Variants in NSMCE2 observed in about 807,000 individuals in gnomAD.
NSMCE2 encodes NSE2 SUMO ligase component of SMC5/6 complex.
A neutral mutation model predicts 23.8 loss-of-function variants in NSMCE2; 24 were observed. The ratio of observed to expected loss-of-function variants is 1.01; its 90% CI spans 0.73 to 1.42. NSMCE2 has a LOEUF of 1.42. Ranked by LOEUF, NSMCE2 falls within the 40% of genes most tolerant of loss-of-function variation. The pLI is 0.00. For missense variants in NSMCE2, 284 were observed against 296.5 expected (o/e 0.96, Z 0.31); for synonymous variants, 92 against 94.1 (o/e 0.98, Z 0.13).
intron 5 of NSMCE2, among the ~76,000 whole-genome samples, chr8:125,232,294 C>T (rs1193720296): frequency 1.3e-5 from 2 of 151,568 alleles, no homozygotes; most frequent in Non-Finnish European, 2.9e-5. Flanking sequence ...ACCCAGGAGG[C>T]GGAGGTTGTG....
At chr8:125,109,769 C>T (rs1818639828) in intron 3 of NSMCE2, among the ~76,000 whole-genome samples, 1 of 152,094 alleles carries the variant, frequency 6.6e-6, no homozygotes, top group Admixed American at 6.6e-5. Flanking sequence ...GAAATGATCA[C>T]CTTTGCCTGT....
chr8:125,267,369 T>C (rs554332460), intron 5 of NSMCE2, among the ~76,000 whole-genome samples: 140 of 152,342 alleles, frequency 9.2e-4, no homozygotes, highest in African/African-American at 3.2e-3. Flanking sequence ...CAAATATGTG[T>C]AAAGGCTTTC....
intron 5 of NSMCE2, among the ~76,000 whole-genome samples, chr8:125,325,234 T>C (rs1829617566): frequency 6.6e-6 from 1 of 151,958 alleles, no homozygotes; most frequent in Admixed American, 6.6e-5. Context: ...TACACTATGA[T>C]AGTGCCTGTG....
chr8:125,325,205 C>T (rs1320912476), intron 5 of NSMCE2, among the ~76,000 whole-genome samples: 2 of 151,924 alleles, frequency 1.3e-5, no homozygotes, highest in Non-Finnish European at 2.9e-5. Flanking sequence ...CACTTGAGTC[C>T]GGGAGTTCAA....
At chr8:125,257,338 G>GGGAAAA (rs1281188149) in intron 5 of NSMCE2, among the ~76,000 whole-genome samples, 1 of 151,606 alleles carries the variant, frequency 6.6e-6, no homozygotes, top group Non-Finnish European at 1.5e-5. Flanking sequence ...CAAAAGAGAT[G>GGGAAAA]GGAAAAGAAT....
intron 3 of NSMCE2, among the ~76,000 whole-genome samples, chr8:125,125,171 T>C (rs1361531440): frequency 6.6e-6 from 1 of 152,148 alleles, no homozygotes; most frequent in African/African-American, 2.4e-5. Context: ...CCTTTATTTC[T>C]TTTTCTTGCC....
chr8:125,317,442 C>G (rs933489048), intron 5 of NSMCE2, among the ~76,000 whole-genome samples: 3 of 152,128 alleles, frequency 2.0e-5, no homozygotes, highest in Non-Finnish European at 2.9e-5. Context: ...ATTGATCCAC[C>G]CGCCTTGGCC....
intron 5 of NSMCE2, among the ~76,000 whole-genome samples, chr8:125,336,105 A>G (rs560762461): frequency 4.3e-4 from 66 of 152,256 alleles, no homozygotes; most frequent in African/African-American, 1.4e-3. Flanking sequence ...CCTGGTAGAA[A>G]GGAACCATTG....
chr8:125,302,325 G>A (rs567886951), intron 5 of NSMCE2, among the ~76,000 whole-genome samples: 13 of 152,254 alleles, frequency 8.5e-5, no homozygotes, highest in African/African-American at 1.7e-4. Context: ...AAGCATTGGG[G>A]ATAAATCAGA....
intron 5 of NSMCE2, among the ~76,000 whole-genome samples, chr8:125,291,378 C>A (rs1435787876): frequency 6.6e-6 from 1 of 152,136 alleles, no homozygotes; most frequent in Non-Finnish European, 1.5e-5. Flanking sequence ...TTAATGTTTG[C>A]TGATATCTTT....
intron 5 of NSMCE2, among the ~76,000 whole-genome samples, chr8:125,336,870 A>G (rs1416657782): frequency 6.6e-6 from 1 of 152,188 alleles, no homozygotes; most frequent in Admixed American, 6.6e-5. Flanking sequence ...TTTTAAACTG[A>G]TCAGTCCTAT....
intron 5 of NSMCE2, among the ~76,000 whole-genome samples, chr8:125,264,048 A>T (rs78981563): frequency 6.6e-6 from 1 of 152,154 alleles, no homozygotes; most frequent in African/African-American, 2.4e-5. Flanking sequence ...CAGATTTCCC[A>T]TGTCTGGCAC....
chr8:125,112,318 A>T (rs555008601), intron 3 of NSMCE2, among the ~76,000 whole-genome samples: 1 of 152,252 alleles, frequency 6.6e-6, no homozygotes, highest in African/African-American at 2.4e-5. Context: ...CAGTACAGTC[A>T]TTATGGAAAA....
chr8:125,154,230 A>C (rs1297941797), intron 4 of NSMCE2, among the ~76,000 whole-genome samples: 1 of 152,196 alleles, frequency 6.6e-6, no homozygotes, highest in East Asian at 1.9e-4. Context: ...TTTTTTAATC[A>C]TTAAAGAGCA....
In NSMCE2 at chr8:125,153,317, G is replaced by C. The variant is rs143245876; in HGVS notation, c.264+2040G>C. Among the ~76,000 whole-genome samples, 499 of 152,220 alleles carry C rather than the reference G, an allele frequency of 3.3e-3. 1 individual carries two copies. Among genetic ancestry groups the C allele is most frequent in the African/African-American group, 0.011 (468 of 41,542 alleles). ...TCCGATGCTTATCAGGAAGGTCTCT[G>C]TTCTTTTATAGGAAGAAAAAACATA... On this transcript the variant is annotated intron_variant, in intron 4 of 7. Transcript: ENST00000287437.
chr8:125,298,687 G>GTTTTTTTTTT (rs35334691), intron 5 of NSMCE2, among the ~76,000 whole-genome samples: 1 of 85,952 alleles, frequency 1.2e-5, no homozygotes, highest in Non-Finnish European at 2.2e-5. Context: ...TCATCTGTGG[G>GTTTTTTTTTT]TTTTTTTTTG....
In NSMCE2 at chr8:125,272,014, C is replaced by CTTTTTTT. The variant is rs563967898; in HGVS notation, c.419-85194_419-85188dup. On this transcript the variant is annotated intron_variant, in intron 5 of 7. Transcript: ENST00000287437. ...TGAATATTGAATCTGCAGTTTCTTT[C>CTTTTTTT]TTTTTTTTTTTTTTTTTGAGACGGA... is the stretch of plus-strand genomic sequence containing the variant. 1.1e-4 allele frequency among the ~76,000 whole-genome samples: 14 copies of CTTTTTTT among 130,150 alleles called. 1 individual carries two copies. Among genetic ancestry groups the CTTTTTTT allele is most frequent in the Non-Finnish European group, 1.6e-4 (10 of 63,510 alleles). The allele number at this position is 130,150 out of a possible 152,430, so 85.4% of individuals were successfully genotyped here. A position where few individuals can be genotyped will look rare whatever the true frequency, so the allele number is the denominator to read the frequency against.
At chr8:125,133,914 A>C (rs1819914577) in intron 3 of NSMCE2, among the ~76,000 whole-genome samples, 3 of 152,194 alleles carry the variant, frequency 2.0e-5, no homozygotes, top group Admixed American at 2.0e-4. Context: ...AATCAGAATC[A>C]CTTGGAGGAC....
At position 125,366,922 on chromosome 8, in the gene NSMCE2, C is replaced by A; in HGVS notation, c.*37C>A. ...TGCCTGCAGGGACACCAGCAGCCTA[C>A]CTCCTACCCCAGCTGTCTGTTGAGA... is the stretch of plus-strand genomic sequence containing the variant. On this transcript the variant is annotated 3_prime_UTR_variant, in exon 8 of 8. Coordinates refer to ENST00000287437, the MANE Select transcript of NSMCE2 (RefSeq NM_173685.4). The A allele has an allele frequency of 8.7e-7, 1 of 1,148,010 alleles. No individual in the cohort carries two copies. Among genetic ancestry groups the A allele is most frequent in the Non-Finnish European group, 1.3e-6 (1 of 755,654 alleles). 71.1% of individuals were successfully genotyped at this position (1,148,010 alleles called of 1,614,324 possible).
Sources: allele counts gnomAD v4.1 joint callset (sites outside exome capture counted in the v4.1 genomes callset), GRCh38; gene constraint gnomAD v4.1.1; transcripts MANE v1.5; gene names NCBI Gene and HGNC (gene_info 2026-07-23, HGNC 2026-07-21).